Variants in MRTFB observed in about 807,000 individuals in gnomAD.
MRTFB encodes myocardin-related transcription factor B.
MRTFB carries 29 observed loss-of-function variants against 104.2 expected under a neutral mutation model. That is an observed-to-expected ratio of 0.28 (90% confidence interval 0.21 to 0.38). MRTFB has a LOEUF of 0.38. MRTFB is among the 10% of genes least tolerant of loss of function. The pLI, the probability that MRTFB is intolerant of heterozygous loss-of-function variation, is 1.00. For synonymous variants in MRTFB, 535 were observed against 519.5 expected (o/e 1.03, Z -0.41); for missense variants, 1,270 against 1,341.6 (o/e 0.95, Z 0.83).
chr16:14,056,916 C>T, the MRTFB span, among the ~76,000 whole-genome samples: 2 of 152,174 alleles, frequency 1.3e-5, no homozygotes, highest in African/African-American at 4.8e-5. Context: ...CTGTTTGTAA[C>T]TTTGTTTTTT....
chr16:14,152,671 C>G (rs1396588171), intron 3 of MRTFB: 2 of 152,066 alleles, frequency 1.3e-5, no homozygotes, highest in East Asian at 3.8e-4. Flanking sequence ...TGTAGTTGTC[C>G]TTAACTGCTA....
intron 2 of MRTFB, among the ~76,000 whole-genome samples, chr16:14,109,927 C>T (rs1461827000): frequency 6.6e-6 from 1 of 152,180 alleles, no homozygotes; most frequent in Non-Finnish European, 1.5e-5. Flanking sequence ...TCAAGATTTT[C>T]ATCACAAATC....
intron 8 of MRTFB, among the ~76,000 whole-genome samples, chr16:14,221,233 CTTTA>C (rs1231865573): frequency 6.6e-6 from 1 of 152,014 alleles, no homozygotes; most frequent in Non-Finnish European, 1.5e-5. Context: ...AAATTTTATA[CTTTA>C]TTTTCACTGT....
intron 2 of MRTFB, among the ~76,000 whole-genome samples, chr16:14,135,962 A>AT (rs2037696707): frequency 6.6e-6 from 1 of 152,122 alleles, no homozygotes; most frequent in African/African-American, 2.4e-5. Flanking sequence ...ACAATTAGAC[A>AT]TTTAATTCTT....
rs749003570 is a variant in MRTFB at position 14,119,637 on chromosome 16, G to C, written c.-63-20907G>C. ...TTTTTTTGTAAGGGTTAGAGTAGAG[G>C]GAACCTTTTTTTGTTGGAATTTTTT... On this transcript the variant is annotated intron_variant, in intron 2 of 16. Coordinates refer to ENST00000571589, the MANE Select transcript of MRTFB (RefSeq NM_001308142.2). Among the ~76,000 whole-genome samples the C allele has an allele frequency of 2.0e-5, 3 of 152,118 alleles. No homozygotes were observed. The South Asian group carries it at 6.2e-4, about 32-fold the overall frequency.
At chr16:14,126,214 C>A (rs1457564782) in intron 2 of MRTFB, among the ~76,000 whole-genome samples, 3 of 151,848 alleles carry the variant, frequency 2.0e-5, no homozygotes, top group Non-Finnish European at 2.9e-5. Flanking sequence ...TTTAAAAAAA[C>A]CTTAGTTTAT....
the MRTFB span, among the ~76,000 whole-genome samples, chr16:14,004,603 T>C: frequency 1.3e-5 from 2 of 152,026 alleles, no homozygotes; most frequent in African/African-American, 2.4e-5. Context: ...CCCTTTCCCA[T>C]TGGCCACAAA....
chr16:14,190,899 G>A (rs2040152167), intron 3 of MRTFB, among the ~76,000 whole-genome samples: 1 of 152,192 alleles, frequency 6.6e-6, no homozygotes, highest in South Asian at 2.1e-4. Flanking sequence ...GCCACAGACT[G>A]GCTAATAGCC....
the MRTFB span, among the ~76,000 whole-genome samples, chr16:14,001,767 C>A: frequency 6.6e-6 from 1 of 152,336 alleles, no homozygotes; most frequent in East Asian, 1.9e-4. Context: ...ATCTGCTGAC[C>A]AGCTGGACCC....
the MRTFB span, among the ~76,000 whole-genome samples, chr16:14,017,711 A>ATTTTTTT: frequency 8.9e-5 from 3 of 33,596 alleles, no homozygotes; most frequent in African/African-American, 2.8e-4. Context: ...ATATATATAT[A>ATTTTTTT]TTTTTTTTTT....
chr16:14,021,878 C>T, the MRTFB span, among the ~76,000 whole-genome samples: 1 of 152,174 alleles, frequency 6.6e-6, no homozygotes, highest in African/African-American at 2.4e-5. Flanking sequence ...CTGCTATAGA[C>T]ATGTGTGTGC....
At chr16:14,214,432 A>G (rs1176515194) in intron 6 of MRTFB, among the ~76,000 whole-genome samples, 1 of 152,196 alleles carries the variant, frequency 6.6e-6, no homozygotes, top group East Asian at 1.9e-4. Context: ...GGGCCTAATG[A>G]TAGGATTAGA....
At chr16:14,083,759 T>C (rs989317159) in intron 2 of MRTFB, among the ~76,000 whole-genome samples, 7 of 152,228 alleles carry the variant, frequency 4.6e-5, no homozygotes, top group Admixed American at 4.6e-4. Flanking sequence ...TTAGCTCTTG[T>C]GAAGGTGTTT....
At chr16:14,103,013 A>G (rs947483854) in intron 2 of MRTFB, among the ~76,000 whole-genome samples, 1 of 152,170 alleles carries the variant, frequency 6.6e-6, no homozygotes, top group African/African-American at 2.4e-5. Context: ...TTTCTTCCAC[A>G]TCTGCCTCTA....
chr16:14,124,583 G>A (rs1223579182), intron 2 of MRTFB, among the ~76,000 whole-genome samples: 1 of 152,178 alleles, frequency 6.6e-6, no homozygotes, highest in East Asian at 1.9e-4. Context: ...ATTTGCATAT[G>A]TTGAACCAGC....
At position 14,247,517 on chromosome 16, in the gene MRTFB, G is replaced by A; in HGVS notation, c.2247+10G>A. 6.5e-7 allele frequency: 1 copy of A among 1,537,656 alleles called. No individual in the cohort carries two copies. The highest frequency in any genetic ancestry group is 8.7e-7 in the Non-Finnish European group (1 of 1,146,576). On this transcript the variant is annotated intron_variant, in intron 12 of 16. Coordinates refer to ENST00000571589, the MANE Select transcript of MRTFB (RefSeq NM_001308142.2). ...CAGCCTCAAACTCCAGGTGTGAAGT[G>A]TGTCTTCTAACTACTTTGCCTTACA...
In MRTFB at chr16:14,261,888, C is replaced by T. The variant is rs1040232933; in HGVS notation, c.*444C>T. ...ATGTGAGGGAGGTGAGAGGTCACTGCACTTGGTACTTCCTAGAGACGGCCG... is the reference window on the plus strand; with the variant it reads ...ATGTGAGGGAGGTGAGAGGTCACTGTACTTGGTACTTCCTAGAGACGGCCG... On this transcript the variant is annotated 3_prime_UTR_variant, in exon 17 of 17. Transcript: ENST00000571589. 5.2e-5 allele frequency: 8 copies of T among 155,168 alleles called. No individual in the cohort carries two copies. The highest frequency in any genetic ancestry group is 1.9e-4 in the African/African-American group (8 of 41,498). 9.6% of individuals were successfully genotyped at this position (155,168 alleles called of 1,614,324 possible). A position where few individuals can be genotyped will look rare whatever the true frequency, so the allele number is the denominator to read the frequency against.
At chr16:14,018,859 C>G in the MRTFB span, 4 of 152,184 alleles carry the variant, frequency 2.6e-5, no homozygotes, top group African/African-American at 7.2e-5. Context: ...AAAACTCTGC[C>G]CATCAGTTTA....
At chr16:14,255,665 A>G (rs1272119991) in intron 15 of MRTFB, among the ~76,000 whole-genome samples, 1 of 152,198 alleles carries the variant, frequency 6.6e-6, no homozygotes, top group African/African-American at 2.4e-5. Flanking sequence ...AATAATTAAT[A>G]AAGGATGGGG....
Sources: gnomAD v4.1 joint callset for allele counts (sites outside exome capture counted in the v4.1 genomes callset) on GRCh38, gnomAD v4.1.1 for gene constraint, MANE v1.5 for transcripts, NCBI Gene and HGNC (gene_info 2026-07-23, HGNC 2026-07-21) for gene names.